CRACD: variants seen among roughly 807,000 people sequenced by gnomAD.
The protein encoded by CRACD is capping protein inhibiting regulator of actin dynamics.
A neutral mutation model predicts 106.8 loss-of-function variants in CRACD; 56 were observed. The observed-to-expected ratio is 0.52, with a 90% confidence interval of 0.42 to 0.66. CRACD has a LOEUF of 0.66. Among genes scored for constraint, CRACD ranks in the 30% least tolerant of loss-of-function variants. The probability of loss-of-function intolerance (pLI) is 0.00; values close to 1 mark genes in which losing one functional copy is unlikely to be tolerated. For missense variants in CRACD, 1,730 were observed against 1,623.2 expected (o/e 1.07, Z -1.13); for synonymous variants, 754 against 670.8 (o/e 1.12, Z -1.92).
Position 56,308,707 on chromosome 4 carries a change from C to T in CRACD, c.285+1008C>T, listed in dbSNP as rs140135616. On this transcript the variant is annotated intron_variant, in intron 5 of 10. Transcript: ENST00000682029. ...TGCCCATTGTGACACCTGGCACCCA[C>T]GCATTGACACCCTTTGTGTGGTAGG... 1.4e-4 allele frequency: 141 copies of T among 981,376 alleles called. No individual in the cohort carries two copies. The African/African-American group carries it at 2.2e-3, about 15-fold the overall frequency. 60.8% of individuals were successfully genotyped at this position (981,376 alleles called of 1,614,324 possible).
intron 1 of CRACD, among the ~76,000 whole-genome samples, chr4:56,095,627 G>C (rs1325176729): frequency 2.6e-5 from 4 of 152,138 alleles, no homozygotes; most frequent in Non-Finnish European, 4.4e-5. Flanking sequence ...GTGTGGCCAG[G>C]GCAGAGTAAG....
At chr4:56,302,232 G>C (rs28436241) in intron 4 of CRACD, among the ~76,000 whole-genome samples, 1 of 152,006 alleles carries the variant, frequency 6.6e-6, no homozygotes, top group Non-Finnish European at 1.5e-5. Context: ...CAGAAGCTTC[G>C]CACTTCGTTG....
At chr4:56,306,226 G>T (rs1338634924) in intron 4 of CRACD, among the ~76,000 whole-genome samples, 1 of 152,188 alleles carries the variant, frequency 6.6e-6, no homozygotes, top group Non-Finnish European at 1.5e-5. Context: ...AGGTGTGGTG[G>T]CTCATGCCTG....
chr4:56,298,103 C>G (rs765216340), intron 3 of CRACD, 111 bp from the exon 4 acceptor site: 5 of 1,232,646 alleles, frequency 4.1e-6, no homozygotes, highest in Admixed American at 2.2e-5. Flanking sequence ...AAGTGCTTGC[C>G]GAATGAGACT....
rs1420481544 is a variant in CRACD at position 56,125,764 on chromosome 4, C to CTTCTTTTT, written c.-335-53518_-335-53517insCTTTTTTT. On this transcript the variant is annotated intron_variant, in intron 1 of 10. Coordinates refer to ENST00000682029, the MANE Select transcript of CRACD (RefSeq NM_001393381.1). Reference sequence around the variant, plus strand: ...ATAATCTATTACTGTCATTCTTCTTCTTTTTTTTTTTTTTTTTTTTTTTTG... The same window carrying CTTCTTTTT: ...ATAATCTATTACTGTCATTCTTCTTCTTCTTTTTTTTTTTTTTTTTTTTTTTTTTTTTG... Among the ~76,000 whole-genome samples the CTTCTTTTT allele has an allele frequency of 9.9e-3, 725 of 73,366 alleles. 30 individuals carry two copies. Among genetic ancestry groups the CTTCTTTTT allele is most frequent in the Middle Eastern group, 0.023 (2 of 86 alleles). 48.1% of individuals were successfully genotyped at this position (73,366 alleles called of 152,430 possible). A position where few individuals can be genotyped will look rare whatever the true frequency, so the allele number is the denominator to read the frequency against.
At chr4:56,257,887 T>C (rs1159508668) in intron 2 of CRACD, among the ~76,000 whole-genome samples, 1 of 151,904 alleles carries the variant, frequency 6.6e-6, no homozygotes. Flanking sequence ...CTGGCCAACA[T>C]GGTGAAACCC....
chr4:56,132,328 C>T (rs925911817), intron 1 of CRACD, among the ~76,000 whole-genome samples: 4 of 152,072 alleles, frequency 2.6e-5, no homozygotes, highest in African/African-American at 7.2e-5. Context: ...ACATGAGCCA[C>T]CGTGCCTAGC....
At chr4:56,271,780 C>G (rs910918205) in intron 2 of CRACD, among the ~76,000 whole-genome samples, 1 of 152,174 alleles carries the variant, frequency 6.6e-6, no homozygotes, top group African/African-American at 2.4e-5. Context: ...GGGTCTCACT[C>G]TGTTGCTCAG....
At chr4:56,279,598 C>A (rs1306559936) in intron 3 of CRACD, among the ~76,000 whole-genome samples, 1 of 152,108 alleles carries the variant, frequency 6.6e-6, no homozygotes, top group African/African-American at 2.4e-5. Context: ...AATGAGATAC[C>A]ATCTCACACC....
At chr4:56,212,518 C>T (rs562184751) in intron 2 of CRACD, among the ~76,000 whole-genome samples, 156 of 152,300 alleles carry the variant, frequency 1.0e-3, no homozygotes, top group African/African-American at 3.7e-3. Flanking sequence ...GAGGCAAGCA[C>T]CTTCTCTTGG....
rs568743666 is a variant in CRACD at position 56,316,577 on chromosome 4, G to A, written c.3075G>A (p.Lys1025=). 80 of 1,613,428 alleles carry A rather than the reference G, an allele frequency of 5.0e-5. No individual in the cohort carries two copies. In the African/African-American group the frequency reaches 8.9e-4, roughly 18 times the overall value. ...CGCCCCCAGGCCCCGAGGAAAGGAAGGGACAGAAGAGGGACGAGGAGGAAG... is the reference window on the plus strand; with the variant it reads ...CGCCCCCAGGCCCCGAGGAAAGGAAAGGACAGAAGAGGGACGAGGAGGAAG... The part of the protein sequence containing the change: ...PPSPPGPEER[K]GQKRDEEEEA... Residue 1025 remains lysine, a synonymous_variant, in exon 8 of 11, where the codon AAG becomes AAA. Transcript: ENST00000682029.
At chr4:56,239,003 G>A (rs1232536711) in intron 2 of CRACD, among the ~76,000 whole-genome samples, 1 of 152,124 alleles carries the variant, frequency 6.6e-6, no homozygotes, top group Non-Finnish European at 1.5e-5. Flanking sequence ...GATTACATCG[G>A]CACTTCAGGC....
intron 2 of CRACD, among the ~76,000 whole-genome samples, chr4:56,263,664 G>T (rs1173123390): frequency 6.6e-6 from 1 of 152,020 alleles, no homozygotes; most frequent in African/African-American, 2.4e-5. Context: ...CCAAATATTC[G>T]CATTCAGAGG....
At position 56,127,560 on chromosome 4, in the gene CRACD, A is replaced by G. The variant is rs530480117; in HGVS notation, c.-335-51724A>G. On this transcript the variant is annotated intron_variant, in intron 1 of 10. Transcript: ENST00000682029. ...TCTTCTGCCTTAATATTTAACTTCA[A>G]AGGTGGCTGATACTTTTGGAGGCAG... Among the ~76,000 whole-genome samples, 6 of 152,330 alleles carry G rather than the reference A, an allele frequency of 3.9e-5. No homozygotes were observed. In the South Asian group the frequency reaches 1.0e-3, roughly 26 times the overall value.
At chr4:56,214,681 C>CTCTCTCTCTCTCTCTATATATA in intron 2 of CRACD, among the ~76,000 whole-genome samples, 3 of 80,966 alleles carry the variant, frequency 3.7e-5, no homozygotes, top group African/African-American at 1.3e-4. Flanking sequence ...CTCTCTCTCT[C>CTCTCTCTCTCTCTCTATATATA]TATATATATA....
chr4:56,162,204 T>TA (rs1253457088), intron 1 of CRACD, among the ~76,000 whole-genome samples: 18 of 151,864 alleles, frequency 1.2e-4, no homozygotes, highest in African/African-American at 4.3e-4. Flanking sequence ...TTATTATTAT[T>TA]TTTTTTTAGA....
chr4:56,272,390 C>T lies in CRACD; in HGVS notation c.-119C>T, dbSNP rs1244288727. The T allele has an allele frequency of 6.5e-6, 1 of 152,728 alleles. No homozygotes were observed. The highest frequency in any genetic ancestry group is 1.5e-5 in the Non-Finnish European group (1 of 68,068). 9.5% of individuals were successfully genotyped at this position (152,728 alleles called of 1,614,324 possible). A position where few individuals can be genotyped will look rare whatever the true frequency, so the allele number is the denominator to read the frequency against. On this transcript the variant is annotated 5_prime_UTR_variant, in exon 3 of 11. Coordinates refer to ENST00000682029, the MANE Select transcript of CRACD (RefSeq NM_001393381.1). Reference sequence around the variant, plus strand: ...GGCAAAAGGAAAAAGAAAGACCCTTCGTTGTTCCGGGTGCCGTCGTTGGGG... The same window carrying T: ...GGCAAAAGGAAAAAGAAAGACCCTTTGTTGTTCCGGGTGCCGTCGTTGGGG...
At chr4:56,191,416 C>T (rs546976262) in intron 2 of CRACD, among the ~76,000 whole-genome samples, 6 of 152,102 alleles carry the variant, frequency 3.9e-5, no homozygotes, top group South Asian at 2.1e-4. Flanking sequence ...TCTGTTCCTC[C>T]CTGTCTCCCT....
In CRACD at chr4:56,316,122, A is replaced by C. The variant is rs766609738; in HGVS notation, c.2620A>C (p.Ser874Arg). 6.2e-7 allele frequency: 1 copy of C among 1,614,182 alleles called. No homozygotes were observed. The highest frequency in any genetic ancestry group is 8.5e-7 in the Non-Finnish European group (1 of 1,180,048). Reference protein sequence around the residue: ...AEQKKKKRHSSTGDSADAGPP... With the variant: ...AEQKKKKRHSRTGDSADAGPP... ...ACAGAAGAAGAAGAAGAGGCACAGC[A>C]GCACCGGAGACAGCGCGGATGCAGG... is the stretch of plus-strand genomic sequence containing the variant. The change falls in exon 8 of 11, where the codon AGC (serine) becomes CGC (arginine). Residue 874 changes from serine (S) to arginine (R), a missense_variant. Ser to Arg is a moderately radical substitution (Grantham distance 110). This residue lies in a region of CRACD where 1,620 missense variants were observed against 1,481.6 expected (regional missense o/e 1.09). Transcript: ENST00000682029.
Sources: allele counts gnomAD v4.1 joint callset (sites outside exome capture counted in the v4.1 genomes callset), GRCh38; gene constraint gnomAD v4.1.1; regional missense constraint gnomAD v4.1.1; transcripts MANE v1.5; gene names NCBI Gene and HGNC (gene_info 2026-07-23, HGNC 2026-07-21).